The following KHDC4 variants were observed in gnomAD, a reference collection of about 807,000 sequenced individuals.
KHDC4 encodes KH domain containing 4, pre-mRNA splicing factor.
KHDC4 carries 19 observed loss-of-function variants against 74.5 expected under a neutral mutation model. The ratio of observed to expected loss-of-function variants is 0.26; its 90% CI spans 0.18 to 0.37. The LOEUF is 0.37. KHDC4 is among the 10% of genes least tolerant of loss of function. KHDC4 has a pLI of 1.00. For synonymous variants in KHDC4, 253 were observed against 266.1 expected, an observed-to-expected ratio of 0.95 and a Z score of 0.48; for missense variants, 632 against 754.1, an observed-to-expected ratio of 0.84 and a Z score of 1.90.
chr1:155,922,111 G>A (rs1293443060), intron 8 of KHDC4, 193 bp from the exon 9 acceptor site: 3 of 406,398 alleles, frequency 7.4e-6, no homozygotes, highest in African/African-American at 2.2e-5. Context: ...ACCCAGGCTG[G>A]AGTGCAGTGG....
In KHDC4 at chr1:155,926,092, T is replaced by A. The variant is rs371393030; in HGVS notation, c.682-249A>T. ...AGCCTTCTTAGTCCTCCAGTTGTCA[T>A]CAAGTTTACAAATACAAATTAAAAC... On this transcript the variant is annotated intron_variant, in intron 6 of 13. Transcript: ENST00000368321. 40 of 680,306 alleles carry A rather than the reference T, an allele frequency of 5.9e-5. No individual in the cohort carries two copies. In the African/African-American group the frequency reaches 5.9e-4, roughly 10 times the overall value. 42.1% of individuals were successfully genotyped at this position (680,306 alleles called of 1,614,324 possible).
At position 155,917,638 on chromosome 1, in the gene KHDC4, G is replaced by A. The variant is rs1441129186; in HGVS notation, c.1301C>T (p.Pro434Leu). The change falls in exon 11 of 14, where the codon CCT (proline) becomes CTT (leucine). Residue 434 changes from proline (P) to leucine (L), a missense_variant. Around this residue, in one of 4 missense-constraint regions of KHDC4, gnomAD observed 254 missense variants for 267.4 expected, o/e 0.95. Transcript: ENST00000368321. ...PMGGPFIPAA[P>L]VKTALPAGPQ... ...GCCAGCAGGCAAGGCAGTTTTGACA[G>A]GAGCAGCAGGAATAAAAGGACCACC... is the stretch of plus-strand genomic sequence containing the variant. 1.5e-5 allele frequency: 24 copies of A among 1,590,532 alleles called. No individual in the cohort carries two copies. The highest frequency in any genetic ancestry group is 2.7e-5 in the African/African-American group (2 of 74,028).
chr1:155,928,067 T>C (rs932080421), intron 4 of KHDC4, among the ~76,000 whole-genome samples: 6 of 152,110 alleles, frequency 3.9e-5, no homozygotes, highest in East Asian at 1.9e-4. Context: ...TCAACACATA[T>C]AGAAAGTTTA....
At chr1:155,930,422 CT>C (rs1326776734) in intron 2 of KHDC4, among the ~76,000 whole-genome samples, 1 of 152,120 alleles carries the variant, frequency 6.6e-6, no homozygotes, top group Non-Finnish European at 1.5e-5. Flanking sequence ...TCTCTGTGAC[CT>C]TGGCCCTATG....
chr1:155,933,782 C>A lies in KHDC4; in HGVS notation c.106G>T (p.Gly36Trp). ...LLFLPPAAPG[G>W]EVTSSGGSPG... Reference sequence around the variant, plus strand: ...CTTCCCCCACTGCTGGTGACCTCCCCACCTGGGGCCGCTGGCGGGAGGAAG... The same window carrying A: ...CTTCCCCCACTGCTGGTGACCTCCCAACCTGGGGCCGCTGGCGGGAGGAAG... The change falls in exon 2 of 14, where the codon GGG becomes TGG. Residue 36 changes from glycine (G) to tryptophan (W), a missense_variant. Coordinates refer to ENST00000368321, the MANE Select transcript of KHDC4 (RefSeq NM_014949.4). 6.3e-7 allele frequency: 1 copy of A among 1,597,196 alleles called. No homozygotes were observed. The highest frequency in any genetic ancestry group is 8.5e-7 in the Non-Finnish European group (1 of 1,170,348).
At chr1:155,922,933 C>T (rs1244445901) in intron 8 of KHDC4, among the ~76,000 whole-genome samples, 2 of 152,142 alleles carry the variant, frequency 1.3e-5, no homozygotes, top group East Asian at 1.9e-4. Context: ...TGGCCGGGCG[C>T]GGTGGCTCAC....
chr1:155,932,937 AAAATAAAT>A (rs144699072), intron 2 of KHDC4, among the ~76,000 whole-genome samples: 1 of 152,136 alleles, frequency 6.6e-6, no homozygotes, highest in African/African-American at 2.4e-5. Context: ...AGACTCTATC[AAAATAAAT>A]AAATAAATAA....
chr1:155,931,156 T>C (rs1044546653), intron 2 of KHDC4, among the ~76,000 whole-genome samples: 1 of 151,206 alleles, frequency 6.6e-6, no homozygotes, highest in African/African-American at 2.4e-5. Flanking sequence ...ACCACATCTC[T>C]AAAAAAATAC....
At chr1:155,916,023 A>G in intron 12 of KHDC4, 59 bp from the exon 13 acceptor site, 1 of 1,088,602 alleles carries the variant, frequency 9.2e-7, no homozygotes, top group Non-Finnish European at 1.4e-6. Flanking sequence ...TAACTTATCC[A>G]GTGGATTAGA....
intron 4 of KHDC4, among the ~76,000 whole-genome samples, chr1:155,928,040 A>G (rs1674056441): frequency 6.6e-6 from 1 of 152,132 alleles, no homozygotes; most frequent in East Asian, 1.9e-4. Flanking sequence ...TTTTAAAGAC[A>G]AAGTTCAAAA....
chr1:155,925,575 T>C (rs1673972551), intron 7 of KHDC4, 57 bp downstream of exon 7: 8 of 1,419,070 alleles, frequency 5.6e-6, no homozygotes, highest in Non-Finnish European at 8.0e-6. Context: ...GAATCACTCC[T>C]GACTGTACCA....
intron 6 of KHDC4, 165 bp from the exon 7 acceptor site, chr1:155,926,008 T>C (rs1316366243): frequency 1.0e-5 from 8 of 770,940 alleles, no homozygotes; most frequent in Non-Finnish European, 1.9e-5. Flanking sequence ...TGAAGGCTGC[T>C]CTCTCCAACC....
At chr1:155,934,315 C>A in intron 1 of KHDC4, 21 bp downstream of exon 1, 1 of 1,606,958 alleles carries the variant, frequency 6.2e-7, no homozygotes, top group Non-Finnish European at 8.5e-7. Flanking sequence ...CGCTCCGATG[C>A]CCTCGCCCCT....
At chr1:155,921,347 T>C (rs185232337) in intron 10 of KHDC4, 28 bp downstream of exon 10, 15 of 1,608,900 alleles carry the variant, frequency 9.3e-6, no homozygotes, top group Non-Finnish European at 1.1e-5. Context: ...AATTCAGTAA[T>C]ATGTTGTTGC....
At chr1:155,928,506 A>G (rs1449074311) in intron 4 of KHDC4, among the ~76,000 whole-genome samples, 2 of 151,940 alleles carry the variant, frequency 1.3e-5, no homozygotes, top group East Asian at 3.8e-4. Flanking sequence ...CAGTGAAGAG[A>G]AACTCAAACA....
chr1:155,929,397 TA>T (rs1438997715), intron 3 of KHDC4, 22 bp from the exon 4 acceptor site: 4 of 1,591,076 alleles, frequency 2.5e-6, no homozygotes, highest in Non-Finnish European at 3.4e-6. Context: ...AATGTTCAAT[TA>T]AAAAAATGTG....
chr1:155,930,085 G>A (rs990410226), intron 2 of KHDC4, among the ~76,000 whole-genome samples: 10 of 151,998 alleles, frequency 6.6e-5, no homozygotes, highest in Non-Finnish European at 1.3e-4. Flanking sequence ...GCTAATTTTC[G>A]GATTTTTAGT....
chr1:155,927,861 CACACACACACACAA>C (rs764931851), intron 4 of KHDC4, among the ~76,000 whole-genome samples: 8,968 of 57,616 alleles, frequency 0.16, 474 homozygotes, highest in Middle Eastern at 0.28. Context: ...CACACACACA[CACACACACACACAA>C]AATTAATGGG....
chr1:155,925,523 C>T (rs562969483), intron 7 of KHDC4, 109 bp downstream of exon 7: 21 of 808,256 alleles, frequency 2.6e-5, no homozygotes, highest in Admixed American at 8.3e-5. Context: ...ATCTAAATCC[C>T]TCATTACTAT....
Sources: gnomAD v4.1 joint callset for allele counts (sites outside exome capture counted in the v4.1 genomes callset) on GRCh38, gnomAD v4.1.1 for gene constraint, gnomAD v4.1.1 regional missense constraint, MANE v1.5 for transcripts, NCBI Gene and HGNC (gene_info 2026-07-23, HGNC 2026-07-21) for gene names.